PLA2G4A: variants seen among roughly 807,000 people sequenced by gnomAD.
PLA2G4A encodes cytosolic phospholipase A2.
Under a neutral mutation model 81.9 loss-of-function variants are expected in PLA2G4A, and 40 were observed. That is an observed-to-expected ratio of 0.49 (90% CI 0.38 to 0.64). PLA2G4A has a LOEUF of 0.64. Ranked by LOEUF, PLA2G4A falls within the 30% of genes least tolerant of loss-of-function variation. The pLI is 0.00. For missense variants in PLA2G4A, 715 were observed against 905.1 expected, an observed-to-expected ratio of 0.79 and a Z score of 2.69; for synonymous variants, 302 against 296.9, an observed-to-expected ratio of 1.02 and a Z score of -0.18.
At chr1:186,840,592 T>C (rs1255137485) in intron 1 of PLA2G4A, among the ~76,000 whole-genome samples, 2 of 152,208 alleles carry the variant, frequency 1.3e-5, no homozygotes, top group Non-Finnish European at 2.9e-5. Context: ...TTAAAGATCA[T>C]AGTAATTCCA....
rs1415262280 is a variant in PLA2G4A, at chr1:186,977,732, C to T, written c.1904C>T (p.Pro635Leu). 6.2e-7 allele frequency: 1 copy of T among 1,613,696 alleles called. No individual in the cohort carries two copies. Among genetic ancestry groups the T allele is most frequent in the South Asian group, 1.1e-5 (1 of 91,064 alleles). Residue 635 changes from proline (P) to leucine (L), a missense_variant, in exon 16 of 18, where the codon CCA (proline) becomes CTA (leucine). Pro to Leu is a moderately conservative substitution (Grantham distance 98). Transcript: ENST00000367466. ...PKNPDMEKDC[P>L]TIIHFVLANI... ...AATCCTGATATGGAGAAAGATTGCC[C>T]AACCATCATCCACTTTGTTCTGGCC...
intron 7 of PLA2G4A, among the ~76,000 whole-genome samples, chr1:186,921,246 G>A (rs1405142075): frequency 1.3e-5 from 2 of 152,126 alleles, no homozygotes; most frequent in Non-Finnish European, 2.9e-5. Flanking sequence ...CAGCTAGGAC[G>A]TGCTCCTGTA....
At chr1:186,838,664 G>A (rs1571322619) in intron 1 of PLA2G4A, among the ~76,000 whole-genome samples, 1 of 152,188 alleles carries the variant, frequency 6.6e-6, no homozygotes, top group South Asian at 2.1e-4. Flanking sequence ...TAGACTTGTT[G>A]CTGTTGTCCT....
chr1:186,897,887 G>A (rs1028411629), intron 5 of PLA2G4A, among the ~76,000 whole-genome samples: 1 of 152,102 alleles, frequency 6.6e-6, no homozygotes, highest in African/African-American at 2.4e-5. Context: ...ACTAAGGTTT[G>A]GGCTTCTAAT....
chr1:186,975,350 C>T (rs1657494075), intron 15 of PLA2G4A, among the ~76,000 whole-genome samples: 1 of 152,112 alleles, frequency 6.6e-6, no homozygotes, highest in South Asian at 2.1e-4. Flanking sequence ...CCTTTGTTCT[C>T]CTAGATTTTT....
At chr1:186,839,889 C>T (rs1651916971) in intron 1 of PLA2G4A, among the ~76,000 whole-genome samples, 1 of 151,074 alleles carries the variant, frequency 6.6e-6, no homozygotes, top group Admixed American at 6.6e-5. Flanking sequence ...TGCTGCAACA[C>T]TCCAACGCAC....
At chr1:186,930,059 C>T (rs773845914) in intron 7 of PLA2G4A, among the ~76,000 whole-genome samples, 12 of 152,052 alleles carry the variant, frequency 7.9e-5, no homozygotes, top group Non-Finnish European at 1.6e-4. Flanking sequence ...GTGACAGAGA[C>T]TCCAGCTTGG....
chr1:186,956,395 C>T (rs770689367), intron 14 of PLA2G4A, 51 bp downstream of exon 14: 52 of 1,523,680 alleles, frequency 3.4e-5, no homozygotes, highest in Non-Finnish European at 4.7e-5. Context: ...ATCTTTATTC[C>T]TTCTCTGGAG....
intron 7 of PLA2G4A, among the ~76,000 whole-genome samples, chr1:186,927,829 A>C (rs1557878198): frequency 6.6e-6 from 1 of 152,230 alleles, no homozygotes; most frequent in Non-Finnish European, 1.5e-5. Flanking sequence ...AAGAGAAATC[A>C]ACCTTGAGTT....
At chr1:186,951,136 A>T (rs1472113443) in intron 13 of PLA2G4A, among the ~76,000 whole-genome samples, 1 of 151,906 alleles carries the variant, frequency 6.6e-6, no homozygotes, top group African/African-American at 2.4e-5. Flanking sequence ...TTATATTCTC[A>T]CTCCATTCCT....
intron 3 of PLA2G4A, among the ~76,000 whole-genome samples, chr1:186,886,720 G>A (rs1049682061): frequency 4.6e-5 from 7 of 152,148 alleles, no homozygotes; most frequent in East Asian, 1.9e-4. Flanking sequence ...TTATTTTCTC[G>A]TGGCCATTTG....
At chr1:186,879,083 A>G (rs1653631113) in intron 3 of PLA2G4A, among the ~76,000 whole-genome samples, 1 of 151,974 alleles carries the variant, frequency 6.6e-6, no homozygotes, top group Admixed American at 6.6e-5. Flanking sequence ...ATGATGGATT[A>G]AACTTAGCTG....
intron 7 of PLA2G4A, among the ~76,000 whole-genome samples, chr1:186,928,845 T>C (rs1393045622): frequency 1.3e-5 from 2 of 152,288 alleles, no homozygotes; most frequent in East Asian, 3.9e-4. Flanking sequence ...TCATATGAAG[T>C]ATGAGAAATA....
At chr1:186,988,270 A>G in intron 17 of PLA2G4A, 107 bp from the exon 18 acceptor site, 1 of 849,214 alleles carries the variant, frequency 1.2e-6, no homozygotes, top group Non-Finnish European at 1.8e-6. Flanking sequence ...CATATATGTC[A>G]AAAGGAATAC....
At chr1:186,974,684 C>T (rs558918853) in intron 15 of PLA2G4A, among the ~76,000 whole-genome samples, 3 of 152,260 alleles carry the variant, frequency 2.0e-5, no homozygotes, top group Non-Finnish European at 2.9e-5. Context: ...AACACAATTC[C>T]GGCATATCGC....
chr1:186,855,899 T>C (rs1373771361), intron 2 of PLA2G4A, among the ~76,000 whole-genome samples: 1 of 152,130 alleles, frequency 6.6e-6, no homozygotes, highest in Non-Finnish European at 1.5e-5. Context: ...ATTTCTGTAG[T>C]TTGCGCCAAT....
chr1:186,831,913 A>T (rs74137517), intron 1 of PLA2G4A, among the ~76,000 whole-genome samples: 1,713 of 152,092 alleles, frequency 0.011, 34 homozygotes, highest in African/African-American at 0.039. Context: ...CTGTTTTGTA[A>T]CATGCTTCTC....
chr1:186,881,682 A>G, intron 3 of PLA2G4A, among the ~76,000 whole-genome samples: 1 of 152,100 alleles, frequency 6.6e-6, no homozygotes, highest in East Asian at 1.9e-4. Flanking sequence ...AATTACAAAT[A>G]TACTTGGAAG....
At chr1:186,852,763 A>G (rs1448057608) in intron 1 of PLA2G4A, among the ~76,000 whole-genome samples, 1 of 151,988 alleles carries the variant, frequency 6.6e-6, no homozygotes, top group Non-Finnish European at 1.5e-5. Context: ...AAATTTCAAC[A>G]TGATTTTTGG....
Sources: gnomAD v4.1 joint callset for allele counts (sites outside exome capture counted in the v4.1 genomes callset) on GRCh38, gnomAD v4.1.1 for gene constraint, MANE v1.5 for transcripts, NCBI Gene and HGNC (gene_info 2026-07-23, HGNC 2026-07-21) for gene names.